DPP10: variants seen among roughly 807,000 people sequenced by gnomAD.
DPP10 encodes dipeptidyl peptidase like 10.
In DPP10, 33 loss-of-function variants were observed where a neutral mutation model predicts 120.9. The observed-to-expected ratio is 0.27, with a 90% CI of 0.21 to 0.37. The LOEUF is 0.37. Among genes scored for constraint, DPP10 ranks in the 10% least tolerant of loss-of-function variants. The pLI is 1.00. For synonymous variants in DPP10, 337 were observed against 326.1 expected, an observed-to-expected ratio of 1.03 and a Z score of -0.36; for missense variants, 816 against 942.8, an observed-to-expected ratio of 0.87 and a Z score of 1.76.
intron 1 of DPP10, among the ~76,000 whole-genome samples, chr2:114,937,155 A>G (rs1483342740): frequency 1.3e-5 from 2 of 152,224 alleles, no homozygotes; most frequent in Admixed American, 6.5e-5. Context: ...CTGGTCATGA[A>G]GTCTTTGCCT....
chr2:115,655,552 C>A (rs11902470), intron 5 of DPP10, among the ~76,000 whole-genome samples: 2,086 of 151,652 alleles, frequency 0.014, 42 homozygotes, highest in African/African-American at 0.048. Flanking sequence ...TCTTCTGTTT[C>A]CTACTCAATA....
intron 1 of DPP10, among the ~76,000 whole-genome samples, chr2:114,522,846 T>G (rs1250384562): frequency 6.6e-6 from 1 of 152,162 alleles, no homozygotes; most frequent in Non-Finnish European, 1.5e-5. Context: ...AGAGAACTTG[T>G]GCAGGGAAAC....
At chr2:115,072,829 C>G (rs1222110413) in intron 1 of DPP10, among the ~76,000 whole-genome samples, 2 of 152,138 alleles carry the variant, frequency 1.3e-5, no homozygotes, top group African/African-American at 4.8e-5. Flanking sequence ...GTCACCCAGG[C>G]TGGAGTGCAG....
At chr2:115,687,289 T>G (rs1003947188) in intron 5 of DPP10, among the ~76,000 whole-genome samples, 3 of 152,058 alleles carry the variant, frequency 2.0e-5, no homozygotes, top group Non-Finnish European at 4.4e-5. Flanking sequence ...CCATATTCTT[T>G]ATTCTGTTGT....
chr2:115,092,983 T>A (rs138985476), intron 1 of DPP10, among the ~76,000 whole-genome samples: 238 of 152,314 alleles, frequency 1.6e-3, no homozygotes, highest in Non-Finnish European at 2.5e-3. Context: ...AATAACTGTC[T>A]TTTCTTCAGC....
chr2:115,581,934 A>G (rs1463804737), intron 5 of DPP10, among the ~76,000 whole-genome samples: 1 of 152,170 alleles, frequency 6.6e-6, no homozygotes, highest in East Asian at 1.9e-4. Context: ...TAGCAACTCT[A>G]TTCTTGCCTT....
At chr2:114,557,307 T>G (rs1688403537) in intron 1 of DPP10, among the ~76,000 whole-genome samples, 1 of 152,084 alleles carries the variant, frequency 6.6e-6, no homozygotes, top group African/African-American at 2.4e-5. Context: ...TCAGGGAAAA[T>G]GTGGCTTTCC....
chr2:115,299,086 T>C (rs77846259), intron 1 of DPP10, among the ~76,000 whole-genome samples: 3,058 of 152,170 alleles, frequency 0.02, 105 homozygotes, highest in African/African-American at 0.07. Flanking sequence ...ATTGTCTGTC[T>C]GAATAATGTA....
intron 1 of DPP10, among the ~76,000 whole-genome samples, chr2:114,724,171 G>C (rs1701891521): frequency 6.6e-6 from 1 of 152,134 alleles, no homozygotes; most frequent in Non-Finnish European, 1.5e-5. Flanking sequence ...TTTAAAATGT[G>C]ACAACAGTCA....
intron 1 of DPP10, among the ~76,000 whole-genome samples, chr2:114,630,674 G>A (rs1694854302): frequency 6.6e-6 from 1 of 152,144 alleles, no homozygotes; most frequent in Non-Finnish European, 1.5e-5. Context: ...AGATAGCCAA[G>A]AGCCAGTTTT....
At chr2:115,659,860 C>G (rs908059553) in intron 5 of DPP10, among the ~76,000 whole-genome samples, 2 of 152,110 alleles carry the variant, frequency 1.3e-5, no homozygotes, top group Non-Finnish European at 2.9e-5. Flanking sequence ...TTAACCATAT[C>G]CTAAGTGCTA....
At chr2:115,467,269 C>A (rs186608195) in intron 3 of DPP10, among the ~76,000 whole-genome samples, 8 of 151,972 alleles carry the variant, frequency 5.3e-5, no homozygotes, top group Non-Finnish European at 1.5e-5. Context: ...ACAAATAAAA[C>A]AAGAGACACT....
At chr2:115,570,843 C>G (rs1022355163) in intron 5 of DPP10, among the ~76,000 whole-genome samples, 9 of 152,114 alleles carry the variant, frequency 5.9e-5, no homozygotes, top group African/African-American at 2.2e-4. Flanking sequence ...AATAATAACA[C>G]AGAATTGTTA....
At position 115,474,962 on chromosome 2, in the gene DPP10, A is replaced by G. The variant is rs1331178449; in HGVS notation, c.272-24548A>G. Reference sequence around the variant, plus strand: ...CTGCCCTGTTCAGCCTTGGGACACTACTCCCCATATCTCACTCTGCTCCAG... The same window carrying G: ...CTGCCCTGTTCAGCCTTGGGACACTGCTCCCCATATCTCACTCTGCTCCAG... On this transcript the variant is annotated intron_variant, in intron 3 of 25. Transcript: ENST00000410059. Among the ~76,000 whole-genome samples, 9 of 151,930 alleles carry G rather than the reference A, an allele frequency of 5.9e-5. No individual in the cohort carries two copies. The East Asian group carries it at 1.4e-3, about 23-fold the overall frequency.
At chr2:115,300,426 A>G (rs2061074249) in intron 1 of DPP10, among the ~76,000 whole-genome samples, 1 of 152,022 alleles carries the variant, frequency 6.6e-6, no homozygotes, top group Non-Finnish European at 1.5e-5. Context: ...AAAGCTGCAT[A>G]ATACTCATAC....
chr2:114,556,792 G>A (rs1432246550), intron 1 of DPP10, among the ~76,000 whole-genome samples: 2 of 152,102 alleles, frequency 1.3e-5, no homozygotes, highest in Non-Finnish European at 2.9e-5. Flanking sequence ...TTTTGACAGA[G>A]GAAGAAAACT....
intron 1 of DPP10, among the ~76,000 whole-genome samples, chr2:114,988,211 G>A (rs77387709): frequency 0.014 from 2,169 of 152,254 alleles, 49 homozygotes; most frequent in African/African-American, 0.05. Context: ...CAAGAGTTCC[G>A]GAGAAGTTTG....
chr2:114,499,058 A>G (rs1682927463), intron 1 of DPP10, among the ~76,000 whole-genome samples: 1 of 152,228 alleles, frequency 6.6e-6, no homozygotes, highest in Non-Finnish European at 1.5e-5. Context: ...CAGAAAGACA[A>G]ATCCCATAGT....
At chr2:115,437,761 T>G (rs80058829) in intron 3 of DPP10, among the ~76,000 whole-genome samples, 2,235 of 152,048 alleles carry the variant, frequency 0.015, 45 homozygotes, top group African/African-American at 0.052. Context: ...TAGTAGAAAA[T>G]AGGTGTGAAT....
Sources: gnomAD v4.1 joint callset for allele counts (sites outside exome capture counted in the v4.1 genomes callset) on GRCh38, gnomAD v4.1.1 for gene constraint, MANE v1.5 for transcripts, NCBI Gene and HGNC (gene_info 2026-07-23, HGNC 2026-07-21) for gene names.